The following MAGI1 variants were observed in gnomAD, a reference collection of about 807,000 sequenced individuals.
The protein encoded by MAGI1 is membrane-associated guanylate kinase, WW and PDZ domain-containing protein 1.
MAGI1 carries 58 observed loss-of-function variants against 139.9 expected under a neutral mutation model. The ratio of observed to expected loss-of-function variants is 0.41; its 90% CI spans 0.34 to 0.52. MAGI1 has a LOEUF of 0.52. Ranked by LOEUF, MAGI1 falls within the 20% of genes least tolerant of loss-of-function variation. The pLI, the probability that MAGI1 is intolerant of heterozygous loss-of-function variation, is 0.12. For synonymous variants in MAGI1, 812 were observed against 737.9 expected (o/e 1.10, Z -1.63); for missense variants, 1,874 against 1,901.6 (o/e 0.99, Z 0.27).
intron 1 of MAGI1, among the ~76,000 whole-genome samples, chr3:65,839,156 G>A (rs1483618147): frequency 6.6e-6 from 1 of 152,054 alleles, no homozygotes. Context: ...ATACAATGGT[G>A]GTCCCATAAA....
chr3:65,582,491 G>A (rs13322465), intron 2 of MAGI1, among the ~76,000 whole-genome samples: 10,049 of 152,180 alleles, frequency 0.066, 386 homozygotes, highest in East Asian at 0.13. Flanking sequence ...CTGCATAAGC[G>A]CTTTACTTCA....
intron 2 of MAGI1, among the ~76,000 whole-genome samples, chr3:65,546,337 C>T (rs906481286): frequency 2.6e-5 from 4 of 152,078 alleles, no homozygotes; most frequent in Admixed American, 1.3e-4. Context: ...GTCATTATTT[C>T]GATAACTGTA....
At chr3:65,684,265 T>C (rs2087830141) in intron 1 of MAGI1, among the ~76,000 whole-genome samples, 1 of 151,158 alleles carries the variant, frequency 6.6e-6, no homozygotes, top group African/African-American at 2.4e-5. Context: ...AAATTTAAAT[T>C]AAAAAAAACA....
At chr3:65,942,201 A>C (rs909140515) in intron 1 of MAGI1, among the ~76,000 whole-genome samples, 5 of 152,002 alleles carry the variant, frequency 3.3e-5, no homozygotes, top group African/African-American at 1.2e-4. Flanking sequence ...TTAATGGCTA[A>C]TATAATACCA....
At chr3:66,032,515 T>A (rs2068673716) in intron 1 of MAGI1, among the ~76,000 whole-genome samples, 1 of 149,102 alleles carries the variant, frequency 6.7e-6, no homozygotes. Flanking sequence ...CCACCACGCC[T>A]GGCCCTGCTG....
chr3:65,430,114 T>C lies in MAGI1; in HGVS notation c.1573A>G (p.Thr525Ala), dbSNP rs770425564. Residue 525 changes from threonine (T) to alanine (A), a missense_variant, in exon 12 of 23, where the codon ACC becomes GCC. Thr to Ala is a moderately conservative substitution (Grantham distance 58). Transcript: ENST00000402939. Reference protein sequence around the residue: ...TGDVIVSVNDTCVLGHTHAQV... With the variant: ...TGDVIVSVNDACVLGHTHAQV... ...GCATGTGTGTGTCCCAAAACACAGG[T>C]GTCATTCACACTTACAATCACATCC... The C allele has an allele frequency of 5.0e-6, 8 of 1,613,444 alleles. No homozygotes were observed. In the South Asian group the frequency reaches 7.7e-5, roughly 16 times the overall value.
chr3:65,803,433 A>C (rs1401797885), intron 1 of MAGI1, among the ~76,000 whole-genome samples: 1 of 152,204 alleles, frequency 6.6e-6, no homozygotes, highest in Non-Finnish European at 1.5e-5. Flanking sequence ...ATTTCCTAAA[A>C]GGAAATTTTA....
At chr3:65,818,940 A>G (rs2041775746) in intron 1 of MAGI1, among the ~76,000 whole-genome samples, 1 of 152,232 alleles carries the variant, frequency 6.6e-6, no homozygotes, top group Non-Finnish European at 1.5e-5. Flanking sequence ...TAGAAAACAT[A>G]TCTATTTAAC....
At chr3:65,824,599 T>A (rs1411635054) in intron 1 of MAGI1, among the ~76,000 whole-genome samples, 1 of 152,200 alleles carries the variant, frequency 6.6e-6, no homozygotes, top group Non-Finnish European at 1.5e-5. Flanking sequence ...TCCTCTGCTA[T>A]CAGCTGACCC....
At chr3:65,643,580 G>T (rs983817497) in intron 1 of MAGI1, among the ~76,000 whole-genome samples, 18 of 152,012 alleles carry the variant, frequency 1.2e-4, no homozygotes, top group African/African-American at 4.4e-4. Flanking sequence ...GAGTTTCATG[G>T]GTTTTCTTTA....
chr3:65,517,432 A>G (rs1007930678), intron 2 of MAGI1, among the ~76,000 whole-genome samples: 3 of 152,076 alleles, frequency 2.0e-5, no homozygotes, highest in Non-Finnish European at 4.4e-5. Context: ...TGGTTATTAA[A>G]CTAGTGGCTT....
chr3:65,532,946 G>A (rs928539746), intron 2 of MAGI1: 3 of 152,152 alleles, frequency 2.0e-5, no homozygotes, highest in Non-Finnish European at 2.9e-5. Context: ...TCTCTCTCCT[G>A]ATCTATACCA....
At chr3:65,845,323 C>T (rs546351292) in intron 1 of MAGI1, among the ~76,000 whole-genome samples, 4 of 152,028 alleles carry the variant, frequency 2.6e-5, no homozygotes, top group East Asian at 1.9e-4. Flanking sequence ...CATAGAGTGT[C>T]GTGGTTAACA....
chr3:65,948,173 A>C (rs991279886), intron 1 of MAGI1, among the ~76,000 whole-genome samples: 4 of 151,398 alleles, frequency 2.6e-5, no homozygotes, highest in African/African-American at 9.7e-5. Flanking sequence ...CAAACTCCTA[A>C]CCTTAAGTGA....
At chr3:65,893,695 ATTTC>A (rs1288391869) in intron 1 of MAGI1, 1 of 152,210 alleles carries the variant, frequency 6.6e-6, no homozygotes, top group Non-Finnish European at 1.5e-5. Context: ...TGAATTCATG[ATTTC>A]TTTATTACAA....
chr3:66,028,020 G>A (rs766765368), intron 1 of MAGI1, among the ~76,000 whole-genome samples: 3 of 152,164 alleles, frequency 2.0e-5, no homozygotes, highest in Non-Finnish European at 4.4e-5. Context: ...AAATATCACA[G>A]CTGGCCAGGC....
intron 1 of MAGI1, among the ~76,000 whole-genome samples, chr3:65,754,294 C>T (rs1232479391): frequency 6.6e-6 from 1 of 152,108 alleles, no homozygotes; most frequent in Non-Finnish European, 1.5e-5. Flanking sequence ...GATTAATTTC[C>T]ATCCTCATTC....
intron 6 of MAGI1, 170 bp from the exon 7 acceptor site, chr3:65,448,227 C>T (rs1948794764): frequency 1.5e-6 from 1 of 648,080 alleles, no homozygotes; most frequent in Admixed American, 2.5e-5. Flanking sequence ...AACTTGCGAC[C>T]TCAGTGTAAA....
chr3:65,770,962 A>T (rs2107939187), intron 1 of MAGI1, among the ~76,000 whole-genome samples: 1 of 151,934 alleles, frequency 6.6e-6, no homozygotes, highest in Admixed American at 6.5e-5. Flanking sequence ...AAGTGCTGGG[A>T]TTACAAACGC....
Sources: gnomAD v4.1 joint callset for allele counts (sites outside exome capture counted in the v4.1 genomes callset) on GRCh38, gnomAD v4.1.1 for gene constraint, MANE v1.5 for transcripts, NCBI Gene and HGNC (gene_info 2026-07-23, HGNC 2026-07-21) for gene names.